HMGN4: variants seen among roughly 807,000 people sequenced by gnomAD.
HMGN4 encodes high mobility group nucleosome-binding domain-containing protein 4.
For missense variants in HMGN4, 69 were observed against 104.9 expected (o/e 0.66, Z 1.49); for synonymous variants, 39 against 39.1 (o/e 1.00, Z 0.01).
chr6:26,545,439 T>C lies in HMGN4; in HGVS notation c.233T>C (p.Leu78Pro). ...NPAKNRDAST[L>P]QSQKAEGTGD... ...GCAAAAAACCGAGATGCCTCTACAC[T>C]CCAGTCCCAGAAAGCGGAAGGCACT... The change falls in exon 2 of 2, where the codon CTC (leucine) becomes CCC (proline). Residue 78 changes from leucine (L) to proline (P), a missense_variant. Leu to Pro is a moderately conservative substitution (Grantham distance 98). Coordinates refer to ENST00000377575, the MANE Select transcript of HMGN4 (RefSeq NM_006353.3). 6.3e-7 allele frequency: 1 copy of C among 1,592,706 alleles called. No homozygotes were observed. Among genetic ancestry groups the C allele is most frequent in the Non-Finnish European group, 8.5e-7 (1 of 1,171,432 alleles).
chr6:26,541,068 A>T (rs974662076), intron 1 of HMGN4, among the ~76,000 whole-genome samples: 18 of 152,008 alleles, frequency 1.2e-4, no homozygotes, highest in African/African-American at 4.3e-4. Context: ...TTTTTTTGAA[A>T]CAGAATCTCA....
chr6:26,545,110 T>G lies in HMGN4; in HGVS notation c.-80-17T>G. Reference sequence around the variant, plus strand: ...GTCTTTCCCTTTATGGTTTACGCTTTTTGTGTCTTGTTAAAGACATCTTTC... The same window carrying G: ...GTCTTTCCCTTTATGGTTTACGCTTGTTGTGTCTTGTTAAAGACATCTTTC... On this transcript the variant is annotated splice_polypyrimidine_tract_variant and intron_variant, in intron 1 of 1. Transcript: ENST00000377575. 9.3e-7 allele frequency: 1 copy of G among 1,073,298 alleles called. No homozygotes were observed. The highest frequency in any genetic ancestry group is 1.3e-6 in the Non-Finnish European group (1 of 770,684). The allele number at this position is 1,073,298 out of a possible 1,614,324, so 66.5% of individuals were successfully genotyped here. A position where few individuals can be genotyped will look rare whatever the true frequency, so the allele number is the denominator to read the frequency against.
intron 1 of HMGN4, among the ~76,000 whole-genome samples, chr6:26,544,455 C>A (rs1483469252): frequency 6.6e-6 from 1 of 152,124 alleles, no homozygotes; most frequent in Middle Eastern, 3.2e-3. Context: ...TACATACTAC[C>A]AAAATATATG....
Position 26,546,752 on chromosome 6 carries a change from A to G in HMGN4, c.*1273A>G, listed in dbSNP as rs1296738364. Reference sequence around the variant, plus strand: ...TATTACTTCTAGAATTAGACCAACAATTTATAAATCAAACAAACCCAAGAG... The same window carrying G: ...TATTACTTCTAGAATTAGACCAACAGTTTATAAATCAAACAAACCCAAGAG... On this transcript the variant is annotated 3_prime_UTR_variant, in exon 2 of 2. Transcript: ENST00000377575. Among the ~76,000 whole-genome samples the G allele has an allele frequency of 6.6e-6, 1 of 152,238 alleles. No individual in the cohort carries two copies. The highest frequency in any genetic ancestry group is 1.5e-5 in the Non-Finnish European group (1 of 68,046).
At position 26,546,358 on chromosome 6, in the gene HMGN4, T is replaced by C. The variant is rs972329292; in HGVS notation, c.*879T>C. 1.8e-5 allele frequency: 3 copies of C among 167,062 alleles called. No individual in the cohort carries two copies. In the East Asian group the frequency reaches 5.8e-4, roughly 32 times the overall value. The allele number at this position is 167,062 out of a possible 1,614,324, so 10.3% of individuals were successfully genotyped here. A position where few individuals can be genotyped will look rare whatever the true frequency, so the allele number is the denominator to read the frequency against. Reference sequence around the variant, plus strand: ...GTCTTTAGTCTGTCCTGAACTGATTTTTGTGAAAATTATGAGTTAGAAATT... The same window carrying C: ...GTCTTTAGTCTGTCCTGAACTGATTCTTGTGAAAATTATGAGTTAGAAATT... On this transcript the variant is annotated 3_prime_UTR_variant, in exon 2 of 2. Coordinates refer to ENST00000377575, the MANE Select transcript of HMGN4 (RefSeq NM_006353.3).
chr6:26,540,064 CTGTT>C (rs751603990), intron 1 of HMGN4: 1 of 152,202 alleles, frequency 6.6e-6, no homozygotes, highest in Admixed American at 6.5e-5. Flanking sequence ...AGATGGGTGA[CTGTT>C]TGGGAGCTTA....
At chr6:26,545,062 A>G (rs1764331179) in intron 1 of HMGN4, 65 bp from the exon 2 acceptor site, 1 of 595,076 alleles carries the variant, frequency 1.7e-6, no homozygotes, top group Non-Finnish European at 2.8e-6. Context: ...AGTCAATTTG[A>G]TTTTTAACGT....
At chr6:26,539,499 G>A (rs973265148) in intron 1 of HMGN4, among the ~76,000 whole-genome samples, 4 of 151,884 alleles carry the variant, frequency 2.6e-5, no homozygotes, top group African/African-American at 9.7e-5. Context: ...TCAAACTCCT[G>A]ACCTCAAGTG....
Position 26,545,820 on chromosome 6 carries a change from C to T in HMGN4, c.*341C>T, listed in dbSNP as rs15580. On this transcript the variant is annotated 3_prime_UTR_variant, in exon 2 of 2. Transcript: ENST00000377575. ...TGGGGAACCAAAACTTCGTGTCTCC[C>T]CTTTCCCCGATGCCATCAGCATAGA... The T allele has an allele frequency of 0.91, 158,936 of 174,614 alleles. 72,437 individuals carry two copies. The highest frequency in any genetic ancestry group is 0.95 in the East Asian group (5,396 of 5,652). The allele number at this position is 174,614 out of a possible 1,614,324, so 10.8% of individuals were successfully genotyped here.
chr6:26,545,663 A>C lies in HMGN4; in HGVS notation c.*184A>C. On this transcript the variant is annotated 3_prime_UTR_variant, in exon 2 of 2. Transcript: ENST00000377575. ...TACCACTAATAGGGTGTATCTCAGA[A>C]ACTGAATTGAAATAAGGGAAAATAG... The C allele has an allele frequency of 2.6e-6, 1 of 386,406 alleles. No individual in the cohort carries two copies. The highest frequency in any genetic ancestry group is 4.7e-6 in the Non-Finnish European group (1 of 212,728). The allele number at this position is 386,406 out of a possible 1,614,324, so 23.9% of individuals were successfully genotyped here. A position where few individuals can be genotyped will look rare whatever the true frequency, so the allele number is the denominator to read the frequency against.
chr6:26,546,823 G>A lies in HMGN4; in HGVS notation c.*1344G>A, dbSNP rs1764355873. Among the ~76,000 whole-genome samples, 1 of 152,074 alleles carries A rather than the reference G, an allele frequency of 6.6e-6. No individual in the cohort carries two copies. The highest frequency in any genetic ancestry group is 2.4e-5 in the African/African-American group (1 of 41,396). On this transcript the variant is annotated 3_prime_UTR_variant, in exon 2 of 2. Transcript: ENST00000377575. ...TTGTATTGAATTTATAGATTAATCT[G>A]GTAAACCATGTCATCTTTACAATGT...
chr6:26,539,031 T>TA (rs1473151807), intron 1 of HMGN4, among the ~76,000 whole-genome samples: 1 of 152,186 alleles, frequency 6.6e-6, no homozygotes, highest in Non-Finnish European at 1.5e-5. Flanking sequence ...AGCACTTGTT[T>TA]AGAATCAGGA....
intron 1 of HMGN4, among the ~76,000 whole-genome samples, chr6:26,539,635 A>T (rs1292365770): frequency 1.9e-3 from 6 of 3,084 alleles, no homozygotes; most frequent in South Asian, 0.02. Flanking sequence ...CCGCAAAATT[A>T]AAAAAAAAAA....
At chr6:26,539,107 T>C (rs1764255124) in intron 1 of HMGN4, among the ~76,000 whole-genome samples, 2 of 152,256 alleles carry the variant, frequency 1.3e-5, no homozygotes, top group African/African-American at 4.8e-5. Flanking sequence ...ATCGGATTAA[T>C]CAAACGCTTT....
intron 1 of HMGN4, among the ~76,000 whole-genome samples, chr6:26,541,361 C>T (rs1764286100): frequency 6.6e-6 from 1 of 152,140 alleles, no homozygotes; most frequent in Non-Finnish European, 1.5e-5. Flanking sequence ...CTGTTCCCTC[C>T]TATGTTAGTC....
Position 26,545,371 on chromosome 6 carries a change from G to T in HMGN4, c.165G>T (p.Gly55=). The T allele has an allele frequency of 6.2e-7, 1 of 1,614,076 alleles. No homozygotes were observed. Among genetic ancestry groups the T allele is most frequent in the Non-Finnish European group, 8.5e-7 (1 of 1,180,016 alleles). ...SAKKGEKLPK[G]RKGKADAGKD... is the part of the protein sequence containing the mutation. ...AGAAGGGAGAGAAGCTTCCCAAAGGGAGAAAGGGGAAAGCAGATGCTGGAA... is the reference window on the plus strand; with the variant it reads ...AGAAGGGAGAGAAGCTTCCCAAAGGTAGAAAGGGGAAAGCAGATGCTGGAA... Residue 55 remains glycine, a synonymous_variant, in exon 2 of 2, where the codon GGG becomes GGT. Transcript: ENST00000377575.
chr6:26,542,913 G>A lies in HMGN4; in HGVS notation c.-80-2214G>A, dbSNP rs921125426. 2.0e-5 allele frequency among the ~76,000 whole-genome samples: 3 copies of A among 151,704 alleles called. No homozygotes were observed. The South Asian group carries it at 6.2e-4, about 31-fold the overall frequency. On this transcript the variant is annotated intron_variant, in intron 1 of 1. Coordinates refer to ENST00000377575, the MANE Select transcript of HMGN4 (RefSeq NM_006353.3). The surrounding 1 kb of genome is among the most constrained non-coding windows in gnomAD (Gnocchi z 4.6). The stretch of plus-strand genomic sequence containing the variant: ...AAGACTGAACCCAGGAAAAGAGACT[G>A]TGTGAGCATTCTCACACCAGGAAAT...
intron 1 of HMGN4, among the ~76,000 whole-genome samples, chr6:26,539,452 T>C (rs1481106352): frequency 1.3e-5 from 2 of 151,842 alleles, no homozygotes; most frequent in African/African-American, 4.8e-5. Flanking sequence ...GTATTTTTAG[T>C]TGGAGACGGA....
chr6:26,539,673 G>T (rs904273318), intron 1 of HMGN4, among the ~76,000 whole-genome samples: 3 of 149,764 alleles, frequency 2.0e-5, no homozygotes. Flanking sequence ...AGAAAGAAAA[G>T]GACAATGTTA....
Sources: allele counts gnomAD v4.1 joint callset (sites outside exome capture counted in the v4.1 genomes callset), GRCh38; gene constraint gnomAD v4.1.1; non-coding constraint Gnocchi (gnomAD v3.1); transcripts MANE v1.5; gene names NCBI Gene and HGNC (gene_info 2026-07-23, HGNC 2026-07-21).